Variants in SPON1 observed in about 807,000 individuals in gnomAD.
SPON1 encodes the protein spondin 1.
Under a neutral mutation model 111.7 loss-of-function variants are expected in SPON1, and 52 were observed. The observed-to-expected ratio is 0.47, with a 90% CI of 0.37 to 0.59. The LOEUF (loss-of-function observed/expected upper bound fraction) is 0.59, where lower values mean the gene tolerates loss of function less well. Among genes scored for constraint, SPON1 ranks in the 20% least tolerant of loss-of-function variants. SPON1 has a pLI of 0.00. For synonymous variants in SPON1, 410 were observed against 395.8 expected (o/e 1.04, Z -0.43); for missense variants, 957 against 1,068.5 (o/e 0.90, Z 1.46).
intron 5 of SPON1, among the ~76,000 whole-genome samples, chr11:14,127,301 C>T (rs1202431678): frequency 5.5e-5 from 3 of 54,498 alleles, no homozygotes; most frequent in African/African-American, 2.5e-4. Context: ...ATCTGACCTC[C>T]GAAAAAAAAA....
chr11:14,243,266 G>A, intron 6 of SPON1, 66 bp from the exon 7 acceptor site: 1 of 1,469,238 alleles, frequency 6.8e-7, no homozygotes, highest in Non-Finnish European at 9.3e-7. Context: ...GTGTCACCAG[G>A]TCAAAGCCCT....
intron 7 of SPON1, among the ~76,000 whole-genome samples, chr11:14,248,365 A>AT (rs568734320): frequency 9.8e-4 from 147 of 149,692 alleles, no homozygotes; most frequent in South Asian, 5.3e-3. Flanking sequence ...TCAAAGGAGC[A>AT]TTTTTTTTTT....
chr11:14,266,336 AAATT>A lies in SPON1; in HGVS notation c.*651_*654del, dbSNP rs1210509381. On this transcript the variant is annotated 3_prime_UTR_variant, in exon 16 of 16. Transcript: ENST00000576479. ...GCCCCCCCAACAAAAATAAATAAAT[AAATT>A]ATGGCTGCTTTATTTAAATATAAGG... 6.6e-6 allele frequency: 1 copy of A among 152,164 alleles called. No individual in the cohort carries two copies. Among genetic ancestry groups the A allele is most frequent in the Admixed American group, 6.5e-5 (1 of 15,274 alleles). The allele number at this position is 152,164 out of a possible 1,614,324, so 9.4% of individuals were successfully genotyped here. A position where few individuals can be genotyped will look rare whatever the true frequency, so the allele number is the denominator to read the frequency against.
intron 1 of SPON1, among the ~76,000 whole-genome samples, chr11:13,971,422 AG>A (rs1848062318): frequency 6.6e-6 from 1 of 152,182 alleles, no homozygotes; most frequent in Admixed American, 6.5e-5. Flanking sequence ...CATCAAACCT[AG>A]ACATCAATTA....
In SPON1 at chr11:14,168,899, CATT is replaced by C. The variant is rs1305240142; in HGVS notation, c.825+33332_825+33334del. 1.2e-4 allele frequency among the ~76,000 whole-genome samples: 18 copies of C among 152,282 alleles called. No homozygotes were observed. In the East Asian group the frequency reaches 3.5e-3, roughly 29 times the overall value. On this transcript the variant is annotated intron_variant, in intron 6 of 15. Coordinates refer to ENST00000576479, the MANE Select transcript of SPON1 (RefSeq NM_006108.4). Reference sequence around the variant, plus strand: ...GCCACATTTTCTTAATCCAGTCTATCATTGTTGAACATTTGGGTTGGTTCCAAG... The same window carrying C: ...GCCACATTTTCTTAATCCAGTCTATCGTTGAACATTTGGGTTGGTTCCAAG...
intron 6 of SPON1, among the ~76,000 whole-genome samples, chr11:14,239,894 A>T (rs1554939515): frequency 1.3e-5 from 2 of 152,244 alleles, no homozygotes; most frequent in East Asian, 3.8e-4. Context: ...ACATGGGCAC[A>T]TACACATCCT....
In SPON1 at chr11:13,965,978, C is replaced by T. The variant is rs1361834199; in HGVS notation, c.238+2836C>T. Among the ~76,000 whole-genome samples, 5 of 152,090 alleles carry T rather than the reference C, an allele frequency of 3.3e-5. 1 individual carries two copies. The highest frequency in any genetic ancestry group is 1.5e-5 in the Non-Finnish European group (1 of 68,002). On this transcript the variant is annotated intron_variant, in intron 1 of 15. Coordinates refer to ENST00000576479, the MANE Select transcript of SPON1 (RefSeq NM_006108.4). Reference sequence around the variant, plus strand: ...TTTGTCCACAGTATTCCAGTTCATCCCCAAGCAGCTTCTGTTCTTTGTGCC... The same window carrying T: ...TTTGTCCACAGTATTCCAGTTCATCTCCAAGCAGCTTCTGTTCTTTGTGCC...
intron 5 of SPON1, among the ~76,000 whole-genome samples, chr11:14,100,000 A>G (rs545102097): frequency 3.9e-4 from 59 of 152,246 alleles, no homozygotes; most frequent in African/African-American, 1.3e-3. Flanking sequence ...GGATCTCCCC[A>G]CCTGATCCGA....
At chr11:13,978,799 G>A (rs1275547250) in intron 1 of SPON1, among the ~76,000 whole-genome samples, 2 of 152,092 alleles carry the variant, frequency 1.3e-5, no homozygotes, top group Non-Finnish European at 2.9e-5. Context: ...ACAACAGGGC[G>A]ACATGACATG....
Position 14,260,712 on chromosome 11 carries a change from G to C in SPON1, c.1956G>C (p.Glu652Asp). Reference protein sequence around the residue: ...KSLAELGDCNEDLEQVEKCML... With the variant: ...KSLAELGDCNDDLEQVEKCML... ...TGGCAGAACTTGGAGACTGCAATGA[G>C]GATCTGGAGCAGGTGGAGAAGTGCA... is the stretch of plus-strand genomic sequence containing the variant. Residue 652 changes from glutamate (E) to aspartate (D), a missense_variant, in exon 14 of 16, where the codon GAG becomes GAC. By Grantham distance (45) the Glu-to-Asp change is conservative. Transcript: ENST00000576479. 1 of 1,613,976 alleles carries C rather than the reference G, an allele frequency of 6.2e-7. No homozygotes were observed. The highest frequency in any genetic ancestry group is 8.5e-7 in the Non-Finnish European group (1 of 1,179,886).
intron 5 of SPON1, among the ~76,000 whole-genome samples, chr11:14,113,324 T>G (rs1419477126): frequency 6.6e-6 from 1 of 152,212 alleles, no homozygotes; most frequent in African/African-American, 2.4e-5. Context: ...CACAATGGGC[T>G]GCAAGTTTCA....
chr11:14,257,310 C>T (rs1265941346), intron 10 of SPON1, among the ~76,000 whole-genome samples: 1 of 152,178 alleles, frequency 6.6e-6, no homozygotes. Context: ...CAATGAATAG[C>T]AGCTGCTCTT....
intron 3 of SPON1, among the ~76,000 whole-genome samples, chr11:14,043,287 G>A (rs1174839407): frequency 1.3e-5 from 2 of 152,184 alleles, no homozygotes; most frequent in African/African-American, 2.4e-5. Context: ...TCCTTGGCAT[G>A]AGGAAGCTGG....
intron 2 of SPON1, among the ~76,000 whole-genome samples, chr11:13,989,584 C>T (rs1848211914): frequency 6.6e-6 from 1 of 152,060 alleles, no homozygotes; most frequent in Non-Finnish European, 1.5e-5. Context: ...TTGTCTTCTG[C>T]TAGCTTTTGA....
At chr11:13,974,259 G>T (rs776766067) in intron 1 of SPON1, among the ~76,000 whole-genome samples, 1 of 152,146 alleles carries the variant, frequency 6.6e-6, no homozygotes. Context: ...AAGCTGACGC[G>T]CATTGTGGTT....
At position 13,967,105 on chromosome 11, in the gene SPON1, T is replaced by C. The variant is rs564244866; in HGVS notation, c.238+3963T>C. 6.1e-4 allele frequency among the ~76,000 whole-genome samples: 93 copies of C among 152,366 alleles called. 2 individuals are homozygous for C. In the South Asian group the frequency reaches 0.016, roughly 26 times the overall value. ...GAGAAGACTAAACCTCAGAGAAGTT[T>C]ATTCCTTATCCATGGTCACACAGCT... On this transcript the variant is annotated intron_variant, in intron 1 of 15. Coordinates refer to ENST00000576479, the MANE Select transcript of SPON1 (RefSeq NM_006108.4).
chr11:14,166,015 G>C (rs1305430866), intron 6 of SPON1, among the ~76,000 whole-genome samples: 1 of 152,112 alleles, frequency 6.6e-6, no homozygotes, highest in Non-Finnish European at 1.5e-5. Flanking sequence ...GATAACTTGG[G>C]GTTCCTGGGC....
intron 1 of SPON1, among the ~76,000 whole-genome samples, chr11:13,964,130 C>A (rs1353740352): frequency 6.6e-6 from 1 of 152,218 alleles, no homozygotes; most frequent in Non-Finnish European, 1.5e-5. Context: ...CGCTCCTCAG[C>A]AGGGTCATCT....
At chr11:14,183,731 A>G (rs1394669995) in intron 6 of SPON1, among the ~76,000 whole-genome samples, 1 of 152,178 alleles carries the variant, frequency 6.6e-6, no homozygotes, top group Non-Finnish European at 1.5e-5. Context: ...AAAGTGCCCA[A>G]GGTCTCACAG....
Sources: allele counts gnomAD v4.1 joint callset (sites outside exome capture counted in the v4.1 genomes callset), GRCh38; gene constraint gnomAD v4.1.1; transcripts MANE v1.5; gene names NCBI Gene and HGNC (gene_info 2026-07-23, HGNC 2026-07-21).